The following AHRR variants were observed in gnomAD, a reference collection of about 807,000 sequenced individuals.
AHRR encodes ahR repressor.
AHRR carries 28 observed loss-of-function variants against 44.0 expected under a neutral mutation model. The ratio of observed to expected loss-of-function variants is 0.64; its 90% CI spans 0.47 to 0.87. AHRR has a LOEUF of 0.87. Among genes scored for constraint, AHRR ranks in the 40% least tolerant of loss-of-function variants. AHRR has a pLI of 0.00. For missense variants in AHRR, 990 were observed against 953.9 expected, an observed-to-expected ratio of 1.04 and a Z score of -0.50; for synonymous variants, 434 against 407.0, an observed-to-expected ratio of 1.07 and a Z score of -0.80.
intron 4 of AHRR, among the ~76,000 whole-genome samples, chr5:410,730 T>C (rs558215698): frequency 1.3e-5 from 2 of 152,324 alleles, no homozygotes; most frequent in South Asian, 4.1e-4. Context: ...GTGCACATCT[T>C]TTATTAGATT....
Position 427,860 on chromosome 5 carries a change from G to T in AHRR, c.762G>T (p.Ala254=). ...LKFLFGQKKK[A]PSGAMLPPRL... ...TCCTGTTTGGACAGAAGAAGAAGGC[G>T]CCGTCAGGAGCCATGCTCCCGCCGC... The change falls in exon 8 of 11, where the codon GCG becomes GCT. Residue 254 remains alanine, a synonymous_variant. Transcript: ENST00000684583. 1 of 1,614,070 alleles carries T rather than the reference G, an allele frequency of 6.2e-7. No individual in the cohort carries two copies. Among genetic ancestry groups the T allele is most frequent in the Non-Finnish European group, 8.5e-7 (1 of 1,180,024 alleles).
At chr5:412,560 C>A (rs187215152) in intron 4 of AHRR, among the ~76,000 whole-genome samples, 55 of 152,166 alleles carry the variant, frequency 3.6e-4, no homozygotes, top group Non-Finnish European at 7.1e-4. Flanking sequence ...AATTCCAAGG[C>A]ATATTAAAAA....
At chr5:423,793 G>A (rs1344651698) in intron 6 of AHRR, 48 bp from the exon 7 acceptor site, 3 of 1,555,062 alleles carry the variant, frequency 1.9e-6, no homozygotes, top group Non-Finnish European at 1.7e-6. Flanking sequence ...TGACACGTGT[G>A]TTTTGGCTTC....
chr5:391,197 C>T (rs1734400091), intron 4 of AHRR, among the ~76,000 whole-genome samples: 1 of 152,254 alleles, frequency 6.6e-6, no homozygotes, highest in African/African-American at 2.4e-5. Context: ...CAACTCCAGG[C>T]CAACAGGGCT....
At chr5:430,491 G>A (rs563196313) in intron 8 of AHRR, among the ~76,000 whole-genome samples, 41 of 152,356 alleles carry the variant, frequency 2.7e-4, no homozygotes, top group African/African-American at 9.9e-4. Flanking sequence ...TGGAGGCTCT[G>A]GGACGCCCTG....
At chr5:339,736 T>C (rs1283152822) in intron 1 of AHRR, among the ~76,000 whole-genome samples, 1 of 152,226 alleles carries the variant, frequency 6.6e-6, no homozygotes, top group African/African-American at 2.4e-5. Flanking sequence ...TGAGAGGTTT[T>C]TTTGGAAAAA....
At chr5:403,418 C>T (rs1735106981) in intron 4 of AHRR, among the ~76,000 whole-genome samples, 1 of 152,072 alleles carries the variant, frequency 6.6e-6, no homozygotes, top group Admixed American at 6.5e-5. Flanking sequence ...GGTGGATCAC[C>T]TGAGGTCAGG....
intron 4 of AHRR, among the ~76,000 whole-genome samples, chr5:396,279 G>A (rs561854182): frequency 2.0e-5 from 3 of 152,326 alleles, no homozygotes; most frequent in African/African-American, 7.2e-5. Flanking sequence ...AAGGACGGCC[G>A]TGTGGGGACA....
chr5:430,879 G>A (rs771685214), intron 8 of AHRR, among the ~76,000 whole-genome samples: 2 of 152,224 alleles, frequency 1.3e-5, no homozygotes, highest in Non-Finnish European at 2.9e-5. Flanking sequence ...TTATTTTAAA[G>A]GATGGAAATG....
chr5:413,743 C>T (rs1735573802), intron 5 of AHRR, among the ~76,000 whole-genome samples: 1 of 152,218 alleles, frequency 6.6e-6, no homozygotes. Flanking sequence ...CCACCAGCAC[C>T]ATCCCATTCA....
chr5:331,452 CTA>C (rs770898733), intron 1 of AHRR, among the ~76,000 whole-genome samples: 1 of 152,134 alleles, frequency 6.6e-6, no homozygotes, highest in Non-Finnish European at 1.5e-5. Flanking sequence ...CTAGCAGTCT[CTA>C]TTTCGTTTAG....
At position 434,072 on chromosome 5, in the gene AHRR, C is replaced by G. The variant is rs1736869916; in HGVS notation, c.1332C>G (p.Phe444Leu). The change falls in exon 11 of 11, where the codon TTC (phenylalanine) becomes TTG (leucine). Residue 444 changes from phenylalanine to leucine, a missense_variant. Coordinates refer to ENST00000684583, the MANE Select transcript of AHRR (RefSeq NM_001377236.1). ...CLPCPCVQGT[F>L]RNSPISHPPS... ...CCTGCCCGTGTGTCCAGGGCACTTT[C>G]AGGAACTCGCCCATCTCTCACCCGC... The G allele has an allele frequency of 6.2e-7, 1 of 1,612,868 alleles. No homozygotes were observed. Among genetic ancestry groups the G allele is most frequent in the South Asian group, 1.1e-5 (1 of 90,990 alleles).
intron 3 of AHRR, among the ~76,000 whole-genome samples, chr5:365,103 G>A (rs889299682): frequency 6.6e-6 from 1 of 151,594 alleles, no homozygotes; most frequent in Admixed American, 6.6e-5. Context: ...ATAAAAGCCA[G>A]TAAAGGTTAT....
At position 383,050 on chromosome 5, in the gene AHRR, A is replaced by G. The variant is rs1352248698; in HGVS notation, c.351+6334A>G. ...GTGTTATTTAGAAGTATGTTGTTTAACTTACAAATATTTGGACATTTTCCA... is the reference window on the plus strand; with the variant it reads ...GTGTTATTTAGAAGTATGTTGTTTAGCTTACAAATATTTGGACATTTTCCA... On this transcript the variant is annotated intron_variant, in intron 4 of 10. Coordinates refer to ENST00000684583, the MANE Select transcript of AHRR (RefSeq NM_001377236.1). This position sits in a 1 kb window ranked among gnomAD's most constrained non-coding sequence, Gnocchi z 4.0. Among the ~76,000 whole-genome samples the G allele has an allele frequency of 6.6e-6, 1 of 152,212 alleles. No individual in the cohort carries two copies. The highest frequency in any genetic ancestry group is 1.5e-5 in the Non-Finnish European group (1 of 68,032).
chr5:421,987 C>G (rs190672505), intron 5 of AHRR, among the ~76,000 whole-genome samples: 1 of 152,172 alleles, frequency 6.6e-6, no homozygotes, highest in Non-Finnish European at 1.5e-5. Flanking sequence ...GTCCCTGGCA[C>G]GGTTAATTAT....
chr5:380,981 A>T (rs1181230222), intron 4 of AHRR, among the ~76,000 whole-genome samples: 2 of 152,248 alleles, frequency 1.3e-5, no homozygotes, highest in African/African-American at 4.8e-5. Flanking sequence ...GAGAGCCCCC[A>T]GGAGGCCACT....
Position 434,186 on chromosome 5 carries a change from C to G in AHRR, c.1446C>G (p.His482Gln). The change falls in exon 11 of 11, where the codon CAC becomes CAG. Residue 482 changes from histidine to glutamine, a missense_variant. His to Gln is a conservative substitution (Grantham distance 24). Transcript: ENST00000684583. ...ACCAGGTGCACCCTCCCCTCTGCCA[C>G]TTTCCCCAGAGGAGCCTGCAGCACC... ...GEDQVHPPLC[H>Q]FPQRSLQHQL... is the part of the protein sequence containing the mutation. 6.3e-7 allele frequency: 1 copy of G among 1,595,564 alleles called. No homozygotes were observed. The highest frequency in any genetic ancestry group is 8.5e-7 in the Non-Finnish European group (1 of 1,171,062).
intron 5 of AHRR, chr5:420,891 CCACGCACGCAG>C (rs1228558700): frequency 8.7e-6 from 3 of 344,264 alleles, no homozygotes; most frequent in African/African-American, 2.2e-5. Context: ...ACGCACAGAC[CCACGCACGCAG>C]CACGCACGCA....
At chr5:392,937 G>A (rs1346216187) in intron 4 of AHRR, among the ~76,000 whole-genome samples, 2 of 152,014 alleles carry the variant, frequency 1.3e-5, no homozygotes, top group South Asian at 4.2e-4. Context: ...ACGGGTCAAG[G>A]GATCTCCCCC....
Sources: gnomAD v4.1 joint callset for allele counts (sites outside exome capture counted in the v4.1 genomes callset) on GRCh38, gnomAD v4.1.1 for gene constraint, Gnocchi (gnomAD v3.1) non-coding constraint, MANE v1.5 for transcripts, NCBI Gene and HGNC (gene_info 2026-07-23, HGNC 2026-07-21) for gene names.